The following DENND6A variants were observed in gnomAD, a reference collection of about 807,000 sequenced individuals.
DENND6A encodes the protein DENN domain containing 6A, also known as protein DENND6A.
In DENND6A, 43 loss-of-function variants were observed where a neutral mutation model predicts 95.5. The observed-to-expected ratio is 0.45, with a 90% CI of 0.35 to 0.58. The LOEUF is 0.58. Among genes scored for constraint, DENND6A ranks in the 20% least tolerant of loss-of-function variants. DENND6A has a pLI of 0.00. For synonymous variants in DENND6A, 257 were observed against 260.4 expected (o/e 0.99, Z 0.13); for missense variants, 574 against 736.0 (o/e 0.78, Z 2.55).
chr3:57,660,937 G>GA (rs1319009930), intron 6 of DENND6A, 98 bp from the exon 7 acceptor site: 22 of 1,020,508 alleles, frequency 2.2e-5, no homozygotes, highest in East Asian at 3.0e-5. Context: ...CCATACAGCA[G>GA]AAAAAATATA....
At chr3:57,638,382 G>A (rs1350768281) in intron 12 of DENND6A, among the ~76,000 whole-genome samples, 1 of 152,064 alleles carries the variant, frequency 6.6e-6, no homozygotes, top group Non-Finnish European at 1.5e-5. Context: ...AACAGGCTGG[G>A]TGTGGTGGCT....
At chr3:57,649,321 CAAG>C (rs2071144497) in intron 9 of DENND6A, among the ~76,000 whole-genome samples, 1 of 152,028 alleles carries the variant, frequency 6.6e-6, no homozygotes, top group African/African-American at 2.4e-5. Flanking sequence ...CTCACTCCTG[CAAG>C]AATAGCCATA....
At chr3:57,670,019 CAAAAA>C (rs780880587) in intron 3 of DENND6A, among the ~76,000 whole-genome samples, 104 of 57,772 alleles carry the variant, frequency 1.8e-3, no homozygotes, top group African/African-American at 7.6e-3. Context: ...AACTCCATCT[CAAAAA>C]AAAAAAAAAA....
intron 9 of DENND6A, among the ~76,000 whole-genome samples, chr3:57,650,746 A>G (rs1408118013): frequency 6.6e-6 from 1 of 151,984 alleles, no homozygotes; most frequent in African/African-American, 2.4e-5. Flanking sequence ...CTGCATCAAA[A>G]GGTGAATGGA....
intron 9 of DENND6A, among the ~76,000 whole-genome samples, chr3:57,655,429 G>T (rs2153415076): frequency 6.6e-6 from 1 of 152,280 alleles, no homozygotes; most frequent in East Asian, 1.9e-4. Context: ...GCTAATCAAA[G>T]GTGTTAGTGA....
intron 11 of DENND6A, among the ~76,000 whole-genome samples, chr3:57,644,480 A>AT (rs1023466518): frequency 3.3e-5 from 5 of 149,674 alleles, no homozygotes; most frequent in East Asian, 2.0e-4. Context: ...TAATTTTTGT[A>AT]TTTTTTTTGT....
intron 9 of DENND6A, among the ~76,000 whole-genome samples, chr3:57,646,847 C>G (rs905650741): frequency 6.6e-6 from 1 of 152,166 alleles, no homozygotes; most frequent in Non-Finnish European, 1.5e-5. Flanking sequence ...ATATACTTAA[C>G]TTAAAACCCA....
chr3:57,663,607 C>CTTTTTTTTTTTTTTTTTTTTTTTTTTTT, intron 5 of DENND6A, 29 bp downstream of exon 5: 1 of 1,447,114 alleles, frequency 6.9e-7, no homozygotes. Flanking sequence ...ATAAAAAATA[C>CTTTTTTTTTTTTTTTTTTTTTTTTTTTT]TTTTTTTATT....
intron 7 of DENND6A, among the ~76,000 whole-genome samples, chr3:57,660,090 C>T (rs1371837242): frequency 6.6e-6 from 1 of 152,062 alleles, no homozygotes; most frequent in Non-Finnish European, 1.5e-5. Flanking sequence ...ATTGCAATAT[C>T]TCTATAATGC....
At chr3:57,662,561 A>C (rs1200822975) in intron 5 of DENND6A, among the ~76,000 whole-genome samples, 3 of 152,126 alleles carry the variant, frequency 2.0e-5, no homozygotes, top group African/African-American at 7.2e-5. Context: ...ATAATGGCTA[A>C]GATGTTGCTA....
At chr3:57,633,128 G>A in intron 15 of DENND6A, 137 bp downstream of exon 15, 1 of 700,192 alleles carries the variant, frequency 1.4e-6, no homozygotes, top group South Asian at 1.9e-5. Flanking sequence ...CTCTTGCAAA[G>A]GGGTTTATTT....
intron 9 of DENND6A, among the ~76,000 whole-genome samples, chr3:57,657,134 AG>A (rs1364166166): frequency 2.6e-5 from 4 of 152,182 alleles, no homozygotes; most frequent in Non-Finnish European, 5.9e-5. Flanking sequence ...CTCTGGGTAA[AG>A]GCACAAACAT....
At chr3:57,666,345 G>T (rs2071524202) in intron 3 of DENND6A, 110 bp from the exon 4 acceptor site, 2 of 879,514 alleles carry the variant, frequency 2.3e-6, no homozygotes, top group Non-Finnish European at 3.4e-6. Flanking sequence ...AACCCATTCT[G>T]TCATGTTTTG....
rs72874846 is a variant in DENND6A at position 57,670,173 on chromosome 3, G to C, written c.319+2083C>G. Among the ~76,000 whole-genome samples, 1,040 of 152,184 alleles carry C rather than the reference G, an allele frequency of 6.8e-3. 11 individuals carry two copies. Among genetic ancestry groups the C allele is most frequent in the African/African-American group, 0.023 (967 of 41,528 alleles). ...ACCACAGAATTAACTTCTTAGCCTT[G>C]ATGTATGCATGCGGGGGACTTTTCC... On this transcript the variant is annotated intron_variant, in intron 3 of 19. Coordinates refer to ENST00000311128, the MANE Select transcript of DENND6A (RefSeq NM_152678.3).
chr3:57,634,196 A>G (rs1230551439), intron 14 of DENND6A, among the ~76,000 whole-genome samples: 1 of 151,936 alleles, frequency 6.6e-6, no homozygotes, highest in Admixed American at 6.6e-5. Flanking sequence ...ACTTTGGGAG[A>G]CCGAGGTGGG....
rs113678362 is a variant in DENND6A, at chr3:57,681,333, G to A, written c.238-8895C>T. Among the ~76,000 whole-genome samples the A allele has an allele frequency of 1.1e-3, 162 of 151,878 alleles. 1 individual carries two copies. The highest frequency in any genetic ancestry group is 3.6e-3 in the African/African-American group (150 of 41,454). On this transcript the variant is annotated intron_variant, in intron 1 of 19. Transcript: ENST00000311128. The stretch of plus-strand genomic sequence containing the variant: ...ATAAAAATTAGCCAGGCGTGGTGGC[G>A]GGCACCTGTAGTCCCAGCTACTCGG...
rs1274600741 is a variant in DENND6A at position 57,692,737 on chromosome 3, C to CGGCGCAGGGGAGG, written c.237+32_237+44dup. On this transcript the variant is annotated intron_variant, in intron 1 of 19. Coordinates refer to ENST00000311128, the MANE Select transcript of DENND6A (RefSeq NM_152678.3). ...GCCGCTGGCTTTGCTGCAGCCGCCCCGGCGCAGGGGAGGAGCGCCGAGAAA... is the reference window on the plus strand; with the variant it reads ...GCCGCTGGCTTTGCTGCAGCCGCCCCGGCGCAGGGGAGGGGCGCAGGGGAGGAGCGCCGAGAAA... 94 of 1,390,242 alleles carry CGGCGCAGGGGAGG rather than the reference C, an allele frequency of 6.8e-5. 1 individual carries two copies. The highest frequency in any genetic ancestry group is 2.7e-4 in the Admixed American group (7 of 26,172). The allele number at this position is 1,390,242 out of a possible 1,614,324, so 86.1% of individuals were successfully genotyped here.
At chr3:57,683,188 C>T (rs1047795877) in intron 1 of DENND6A, among the ~76,000 whole-genome samples, 19 of 152,016 alleles carry the variant, frequency 1.2e-4, no homozygotes, top group African/African-American at 3.4e-4. Context: ...TTACAAAGGA[C>T]GCTTAAGGTT....
In DENND6A at chr3:57,672,368, A is replaced by G. The variant is rs759881990; in HGVS notation, c.276+32T>C. ...CAATAAAAACAAACAGAAATATAAC[A>G]GTAAACTATACAGAGCAGTATTTTT... On this transcript the variant is annotated intron_variant, in intron 2 of 19. Coordinates refer to ENST00000311128, the MANE Select transcript of DENND6A (RefSeq NM_152678.3). The G allele has an allele frequency of 5.6e-6, 9 of 1,611,800 alleles. No individual in the cohort carries two copies. In the South Asian group the frequency reaches 9.9e-5, roughly 18 times the overall value.
Sources: allele counts gnomAD v4.1 joint callset (sites outside exome capture counted in the v4.1 genomes callset), GRCh38; gene constraint gnomAD v4.1.1; transcripts MANE v1.5; gene names NCBI Gene and HGNC (gene_info 2026-07-23, HGNC 2026-07-21).